Variants in SLC35F3 observed in about 807,000 individuals in gnomAD.
SLC35F3 encodes the protein putative thiamine transporter SLC35F3.
In SLC35F3, 25 loss-of-function variants were observed where a neutral mutation model predicts 49.9. The observed-to-expected ratio is 0.50, with a 90% CI of 0.37 to 0.70. The LOEUF is 0.70. Among genes scored for constraint, SLC35F3 ranks in the 30% least tolerant of loss-of-function variants. The pLI, the probability that SLC35F3 is intolerant of heterozygous loss-of-function variation, is 0.00. For missense variants in SLC35F3, 525 were observed against 639.8 expected, an observed-to-expected ratio of 0.82 and a Z score of 1.94; for synonymous variants, 275 against 265.4, an observed-to-expected ratio of 1.04 and a Z score of -0.35.
chr1:233,964,083 G>A (rs1662854490), intron 2 of SLC35F3, among the ~76,000 whole-genome samples: 1 of 152,176 alleles, frequency 6.6e-6, no homozygotes, highest in Non-Finnish European at 1.5e-5. Context: ...CCTTGTCATT[G>A]GGACCTCCTA....
chr1:234,236,020 A>G (rs674678), intron 3 of SLC35F3, among the ~76,000 whole-genome samples: 6 of 152,078 alleles, frequency 3.9e-5, no homozygotes, highest in African/African-American at 1.4e-4. Context: ...AGATAAATGG[A>G]CTCTGGAAAG....
intron 2 of SLC35F3, among the ~76,000 whole-genome samples, chr1:234,134,905 A>G (rs894790908): frequency 3.3e-5 from 5 of 152,090 alleles, no homozygotes; most frequent in Admixed American, 3.3e-4. Context: ...TATTTTTAGT[A>G]GAGACGGGGT....
rs575417798 is a variant in SLC35F3, at chr1:234,253,289, G to A, written c.608+21548G>A. ...TGCAGTAAGCCAAAATGGCGCCACC[G>A]CACTCCAGCCTGGGCAACAAGAGCA... On this transcript the variant is annotated intron_variant, in intron 3 of 7. Coordinates refer to ENST00000366618, the MANE Select transcript of SLC35F3 (RefSeq NM_173508.4). 7.9e-5 allele frequency among the ~76,000 whole-genome samples: 12 copies of A among 151,818 alleles called. No homozygotes were observed. The South Asian group carries it at 1.7e-3, about 21-fold the overall frequency.
At chr1:234,176,143 A>G (rs114888491) in intron 2 of SLC35F3, among the ~76,000 whole-genome samples, 192 of 152,290 alleles carry the variant, frequency 1.3e-3, no homozygotes, top group Non-Finnish European at 1.4e-3. Context: ...TACCTGAGCC[A>G]TATGCTGGAG....
intron 2 of SLC35F3, among the ~76,000 whole-genome samples, chr1:234,153,799 C>G (rs964096931): frequency 4.0e-5 from 6 of 151,620 alleles, no homozygotes; most frequent in Admixed American, 3.9e-4. Flanking sequence ...GGGGGCCGGA[C>G]GCAGTGGCTC....
At chr1:234,312,015 C>A (rs16842937) in intron 4 of SLC35F3, among the ~76,000 whole-genome samples, 8,432 of 152,246 alleles carry the variant, frequency 0.055, 417 homozygotes, top group East Asian at 0.2. Flanking sequence ...ATCTTTTCTC[C>A]ATGGCATTAT....
intron 2 of SLC35F3, among the ~76,000 whole-genome samples, chr1:234,066,112 T>G (rs1664613131): frequency 6.6e-6 from 1 of 152,216 alleles, no homozygotes; most frequent in South Asian, 2.1e-4. Flanking sequence ...ATAATTATCA[T>G]TATTATATTA....
At chr1:233,930,560 A>G (rs1234924474) in intron 2 of SLC35F3, among the ~76,000 whole-genome samples, 1 of 152,178 alleles carries the variant, frequency 6.6e-6, no homozygotes, top group Non-Finnish European at 1.5e-5. Flanking sequence ...TGACCCTTGA[A>G]AAACATGGGG....
rs943279681 is a variant in SLC35F3 at position 233,964,416 on chromosome 1, A to G, written c.283+58658A>G. ...TTATTCCTTCACCTACAGATACTCAACTGGAGCTTTCCCAATGCCAGGCAC... is the reference window on the plus strand; with the variant it reads ...TTATTCCTTCACCTACAGATACTCAGCTGGAGCTTTCCCAATGCCAGGCAC... On this transcript the variant is annotated intron_variant, in intron 2 of 7. Coordinates refer to ENST00000366618, the MANE Select transcript of SLC35F3 (RefSeq NM_173508.4). Among the ~76,000 whole-genome samples, 6 of 152,336 alleles carry G rather than the reference A, an allele frequency of 3.9e-5. No individual in the cohort carries two copies. In the East Asian group the frequency reaches 7.7e-4, roughly 20 times the overall value.
chr1:234,189,043 A>C (rs1266380695), intron 2 of SLC35F3, among the ~76,000 whole-genome samples: 1 of 152,126 alleles, frequency 6.6e-6, no homozygotes. Flanking sequence ...CCATGGGACA[A>C]AAGAATCTGA....
intron 3 of SLC35F3, among the ~76,000 whole-genome samples, chr1:234,263,430 G>C (rs1236383629): frequency 6.6e-6 from 1 of 152,244 alleles, no homozygotes; most frequent in Admixed American, 6.5e-5. Context: ...TGAAATCTTA[G>C]GTAAAATTCA....
At chr1:233,995,300 T>C (rs1275945766) in intron 2 of SLC35F3, among the ~76,000 whole-genome samples, 4 of 152,158 alleles carry the variant, frequency 2.6e-5, no homozygotes, top group Non-Finnish European at 4.4e-5. Context: ...GATTTGCCAT[T>C]AGTGCTTCTG....
chr1:234,246,758 C>G (rs1667637076), intron 3 of SLC35F3, among the ~76,000 whole-genome samples: 1 of 152,218 alleles, frequency 6.6e-6, no homozygotes, highest in African/African-American at 2.4e-5. Context: ...CAGAAACAGC[C>G]ATATGCTGAG....
At chr1:234,165,449 T>C (rs1666300020) in intron 2 of SLC35F3, among the ~76,000 whole-genome samples, 1 of 152,174 alleles carries the variant, frequency 6.6e-6, no homozygotes, top group Admixed American at 6.5e-5. Context: ...TTGAATACAG[T>C]TGAATTCAAA....
chr1:234,312,853 GTTTT>G (rs869073273), intron 4 of SLC35F3, among the ~76,000 whole-genome samples: 9 of 126,604 alleles, frequency 7.1e-5, no homozygotes, highest in Non-Finnish European at 1.3e-4. Context: ...TTTTTTTTAG[GTTTT>G]TTTGTTTGTT....
At chr1:234,235,409 A>G (rs954102010) in intron 3 of SLC35F3, among the ~76,000 whole-genome samples, 4 of 152,204 alleles carry the variant, frequency 2.6e-5, no homozygotes, top group African/African-American at 9.6e-5. Flanking sequence ...ACCACCTAGC[A>G]TCTAGGGGAG....
intron 2 of SLC35F3, among the ~76,000 whole-genome samples, chr1:234,085,773 C>T (rs1447665289): frequency 6.6e-6 from 1 of 152,082 alleles, no homozygotes; most frequent in Non-Finnish European, 1.5e-5. Flanking sequence ...TGTCTTGGTC[C>T]TGTAAAGAGT....
At chr1:234,081,671 A>T (rs969947457) in intron 2 of SLC35F3, among the ~76,000 whole-genome samples, 1 of 151,742 alleles carries the variant, frequency 6.6e-6, no homozygotes, top group African/African-American at 2.4e-5. Flanking sequence ...GTAAAAGAGA[A>T]TACTCCATCA....
At chr1:234,192,762 A>T (rs2102929903) in intron 2 of SLC35F3, among the ~76,000 whole-genome samples, 1 of 152,360 alleles carries the variant, frequency 6.6e-6, no homozygotes, top group East Asian at 1.9e-4. Flanking sequence ...ATACAAAATT[A>T]ATGTACACAA....
Sources: allele counts gnomAD v4.1 joint callset (sites outside exome capture counted in the v4.1 genomes callset), GRCh38; gene constraint gnomAD v4.1.1; transcripts MANE v1.5; gene names NCBI Gene and HGNC (gene_info 2026-07-23, HGNC 2026-07-21).